The following ARPP21 variants were observed in gnomAD, a reference collection of about 807,000 sequenced individuals.
ARPP21 encodes the protein cAMP-regulated phosphoprotein 21.
ARPP21 carries 69 observed loss-of-function variants against 113.2 expected under a neutral mutation model. The observed-to-expected ratio is 0.61, with a 90% CI of 0.50 to 0.74. The LOEUF (loss-of-function observed/expected upper bound fraction) is 0.74. Among genes scored for constraint, ARPP21 ranks in the 30% least tolerant of loss-of-function variants. ARPP21 has a pLI of 0.00. For synonymous variants in ARPP21, 368 were observed against 375.5 expected, an observed-to-expected ratio of 0.98 and a Z score of 0.23; for missense variants, 1,070 against 1,037.4, an observed-to-expected ratio of 1.03 and a Z score of -0.43.
Position 35,718,154 on chromosome 3 carries a change from G to T in ARPP21, c.995+797G>T, listed in dbSNP as rs115022866. On this transcript the variant is annotated intron_variant, in intron 13 of 20. Transcript: ENST00000684406. ...AAGAAAGAAAATACTAAGAAAATCA[G>T]ATGAATTGAATGTTGAGAAAGTACA... is the stretch of plus-strand genomic sequence containing the variant. 4.7e-3 allele frequency among the ~76,000 whole-genome samples: 723 copies of T among 152,256 alleles called. 5 individuals carry two copies. Among genetic ancestry groups the T allele is most frequent in the Non-Finnish European group, 6.1e-3 (416 of 67,986 alleles).
chr3:35,690,685 C>A (rs2081988018), intron 8 of ARPP21, among the ~76,000 whole-genome samples, 180 bp from the exon 9 acceptor site: 1 of 151,460 alleles, frequency 6.6e-6, no homozygotes, highest in Non-Finnish European at 1.5e-5. Flanking sequence ...GTGGCTTAAT[C>A]AATAAATCTA....
chr3:35,762,330 G>T (rs1373961221), intron 19 of ARPP21, among the ~76,000 whole-genome samples: 1 of 151,972 alleles, frequency 6.6e-6, no homozygotes, highest in Non-Finnish European at 1.5e-5. Flanking sequence ...AATGATATTT[G>T]TGATTAATAT....
chr3:35,743,856 C>T lies in ARPP21; in HGVS notation c.2028C>T (p.Tyr676=), dbSNP rs368173266. 6.2e-6 allele frequency: 10 copies of T among 1,613,800 alleles called. No individual in the cohort carries two copies. The East Asian group carries it at 1.3e-4, about 22-fold the overall frequency. The change falls in exon 19 of 21, where the codon TAC becomes TAT. Residue 676 remains tyrosine, a synonymous_variant. Transcript: ENST00000684406. The part of the protein sequence containing the change: ...PPPAQMPVYY[Y]PSGQYPTSTT... ...TTCCACAGATGCCTGTATATTATTA[C>T]CCATCTGGTCAGTACCCTACCTCAA...
At chr3:35,666,601 T>C (rs2074423933) in intron 1 of ARPP21, among the ~76,000 whole-genome samples, 1 of 152,148 alleles carries the variant, frequency 6.6e-6, no homozygotes, top group African/African-American at 2.4e-5. Context: ...CAAACATACA[T>C]TTTTATAGAC....
At chr3:35,759,639 T>G (rs2095689746) in intron 19 of ARPP21, among the ~76,000 whole-genome samples, 1 of 151,836 alleles carries the variant, frequency 6.6e-6, no homozygotes. Flanking sequence ...TTTCTTTCAT[T>G]TTTTTATTTT....
chr3:35,642,133 A>C (rs1367048163), intron 1 of ARPP21: 2 of 152,182 alleles, frequency 1.3e-5, no homozygotes, highest in Non-Finnish European at 2.9e-5. Flanking sequence ...TGTCCTTTGC[A>C]GTATTTAGCT....
intron 3 of ARPP21, chr3:35,682,420 A>G (rs1026420926): frequency 6.1e-6 from 1 of 163,886 alleles, no homozygotes; most frequent in Non-Finnish European, 1.3e-5. Flanking sequence ...GCTGTGAAAC[A>G]TATCATGATT....
rs200410773 is a variant in ARPP21, at chr3:35,792,513, A to T, written c.2269A>T (p.Thr757Ser). ...PVQSVMVSYP[T>S]MSSYQVPMTQ... ...GCAAAGCGTGATGGTTTCCTACCCAACAATGTCTTCTTATCAGGTGCTCAT... is the reference window on the plus strand; with the variant it reads ...GCAAAGCGTGATGGTTTCCTACCCATCAATGTCTTCTTATCAGGTGCTCAT... Residue 757 changes from threonine to serine, a missense_variant, in exon 20 of 21, where the codon ACA (threonine) becomes TCA (serine). Transcript: ENST00000684406. 1 of 1,613,976 alleles carries T rather than the reference A, an allele frequency of 6.2e-7. No homozygotes were observed. The highest frequency in any genetic ancestry group is 8.5e-7 in the Non-Finnish European group (1 of 1,179,964).
chr3:35,761,638 T>G (rs1272844249), intron 19 of ARPP21, among the ~76,000 whole-genome samples: 1 of 152,098 alleles, frequency 6.6e-6, no homozygotes, highest in Non-Finnish European at 1.5e-5. Context: ...GAAAAATATC[T>G]GAGTGGAATT....
At chr3:35,718,164 A>C (rs767525358) in intron 13 of ARPP21, among the ~76,000 whole-genome samples, 3 of 152,218 alleles carry the variant, frequency 2.0e-5, no homozygotes, top group Non-Finnish European at 2.9e-5. Context: ...GATGAATTGA[A>C]TGTTGAGAAA....
intron 15 of ARPP21, among the ~76,000 whole-genome samples, chr3:35,735,059 T>C (rs1199960591): frequency 6.6e-6 from 1 of 152,214 alleles, no homozygotes; most frequent in Non-Finnish European, 1.5e-5. Flanking sequence ...TGTACTTTTT[T>C]TCACTAGAAT....
intron 1 of ARPP21, among the ~76,000 whole-genome samples, chr3:35,657,827 A>C (rs1340820342): frequency 2.0e-5 from 3 of 152,094 alleles, no homozygotes; most frequent in Non-Finnish European, 4.4e-5. Context: ...GTGAGGCTCC[A>C]TAAACCTTAG....
intron 5 of ARPP21, chr3:35,684,458 CAA>C: frequency 1.0e-6 from 1 of 982,226 alleles, no homozygotes; most frequent in South Asian, 4.7e-5. Context: ...TAAATTTAAA[CAA>C]AATTATTTCA....
chr3:35,717,560 C>T (rs1476142415), intron 13 of ARPP21, among the ~76,000 whole-genome samples: 2 of 152,038 alleles, frequency 1.3e-5, no homozygotes, highest in Admixed American at 6.6e-5. Context: ...ACTTCGTCTA[C>T]AATTCGTTAG....
chr3:35,786,506 G>A (rs74379040), intron 19 of ARPP21, among the ~76,000 whole-genome samples: 1,988 of 148,970 alleles, frequency 0.013, 71 homozygotes, highest in East Asian at 0.091. Context: ...CCAGCCTGAC[G>A]ACGGAGTGAG....
chr3:35,728,365 C>T (rs1427671058), intron 14 of ARPP21, among the ~76,000 whole-genome samples: 4 of 151,116 alleles, frequency 2.6e-5, no homozygotes, highest in East Asian at 1.9e-4. Context: ...ACTACAGGCA[C>T]GTGCCACCAC....
chr3:35,762,086 C>T (rs1324624066), intron 19 of ARPP21, among the ~76,000 whole-genome samples: 1 of 146,622 alleles, frequency 6.8e-6, no homozygotes, highest in Admixed American at 6.8e-5. Context: ...ACTACACAGA[C>T]TCTCTCTCTC....
intron 18 of ARPP21, 105 bp from the exon 19 acceptor site, chr3:35,743,734 A>G (rs6550366): frequency 7.0e-5 from 89 of 1,276,386 alleles, no homozygotes; most frequent in Non-Finnish European, 9.6e-5. Context: ...TGCGGTGGCC[A>G]TCTTCACAAC....
At chr3:35,714,426 T>C (rs1196582571) in intron 11 of ARPP21, among the ~76,000 whole-genome samples, 2 of 152,232 alleles carry the variant, frequency 1.3e-5, no homozygotes, top group East Asian at 1.9e-4. Context: ...TAAAAGGTTA[T>C]TATTACTTCT....
Sources: allele counts gnomAD v4.1 joint callset (sites outside exome capture counted in the v4.1 genomes callset), GRCh38; gene constraint gnomAD v4.1.1; transcripts MANE v1.5; gene names NCBI Gene and HGNC (gene_info 2026-07-23, HGNC 2026-07-21).